DSPP: variants seen among roughly 807,000 people sequenced by gnomAD.
DSPP encodes the protein dentin sialophosphoprotein, also known as deafness, autosomal dominant 39.
A neutral mutation model predicts 29.1 loss-of-function variants in DSPP; 28 were observed. The observed-to-expected ratio is 0.96, with a 90% CI of 0.71 to 1.32. The LOEUF (loss-of-function observed/expected upper bound fraction) is 1.32. Among genes scored for constraint, DSPP ranks in the 40% most tolerant of loss-of-function variants. DSPP has a pLI of 0.00. For synonymous variants in DSPP, 481 were observed against 503.4 expected (o/e 0.96, Z 0.60); for missense variants, 1,281 against 1,629.9 (o/e 0.79, Z 3.69).
rs1388938946 is a variant in DSPP at position 87,616,780 on chromosome 4, C to A, written c.*212C>A. 4 of 705,240 alleles carry A rather than the reference C, an allele frequency of 5.7e-6. No individual in the cohort carries two copies. The highest frequency in any genetic ancestry group is 9.3e-6 in the Non-Finnish European group (4 of 430,532). 43.7% of individuals were successfully genotyped at this position (705,240 alleles called of 1,614,324 possible). A position where few individuals can be genotyped will look rare whatever the true frequency, so the allele number is the denominator to read the frequency against. ...CTGAATGCATGACCTTTGGTACATG[C>A]CTGTTAATATTCATGTTCTGAAAAT... On this transcript the variant is annotated 3_prime_UTR_variant, in exon 5 of 5. Coordinates refer to ENST00000651931, the MANE Select transcript of DSPP (RefSeq NM_014208.3).
At chr4:87,611,462 C>T (rs979414621) in intron 2 of DSPP, among the ~76,000 whole-genome samples, 6 of 151,872 alleles carry the variant, frequency 4.0e-5, no homozygotes, top group African/African-American at 1.5e-4. Context: ...TATTTATGTG[C>T]TCACTGTGGA....
At position 87,616,292 on chromosome 4, in the gene DSPP, CAGT is replaced by C. The variant is rs1727945444; in HGVS notation, c.3631_3633del (p.Ser1211del). On this transcript the variant is annotated inframe_deletion, in exon 5 of 5. Coordinates refer to ENST00000651931, the MANE Select transcript of DSPP (RefSeq NM_014208.3). ...GCGATAGTAGTGATAGCAGTGACAGCAGTGACAGCAGCGACAGCAGTGACAGCA... is the reference window on the plus strand; with the variant it reads ...GCGATAGTAGTGATAGCAGTGACAGCGACAGCAGCGACAGCAGTGACAGCA... The C allele has an allele frequency of 1.6e-5, 20 of 1,262,350 alleles. No individual in the cohort carries two copies. In the African/African-American group the frequency reaches 2.3e-4, roughly 15 times the overall value. The allele number at this position is 1,262,350 out of a possible 1,614,324, so 78.2% of individuals were successfully genotyped here. A position where few individuals can be genotyped will look rare whatever the true frequency, so the allele number is the denominator to read the frequency against.
At position 87,614,582 on chromosome 4, in the gene DSPP, A is replaced by AGACAGCAGTGACAGC; in HGVS notation, c.1921_1935dup (p.Asp641_Ser645dup). The AGACAGCAGTGACAGC allele has an allele frequency of 6.4e-7, 1 of 1,551,108 alleles. No individual in the cohort carries two copies. The highest frequency in any genetic ancestry group is 8.7e-7 in the Non-Finnish European group (1 of 1,146,806). On this transcript the variant is annotated inframe_insertion, in exon 5 of 5. Transcript: ENST00000651931. ...ACAGCAGTGATAGTGACAGTAAGTC[A>AGACAGCAGTGACAGC]GACAGCAGTGACAGCAACAGCAGTG...
Position 87,612,657 on chromosome 4 carries a change from T to C in DSPP, c.471T>C (p.Asn157=), listed in dbSNP as rs1165423659. The change falls in exon 4 of 5, where the codon AAT becomes AAC. Residue 157 remains asparagine, a synonymous_variant. Transcript: ENST00000651931. ...GATNRSNTNG[N]TDKNTQNGDV... ...CAAACAGAAGCAACACTAATGGAAA[T>C]ACTGATAAGAATACCCAAAATGGGG... 22 of 1,614,016 alleles carry C rather than the reference T, an allele frequency of 1.4e-5. No individual in the cohort carries two copies. The highest frequency in any genetic ancestry group is 1.8e-5 in the Non-Finnish European group (21 of 1,179,982).
In DSPP at chr4:87,615,932, C is replaced by CAGTGAT. The variant is rs779844801; in HGVS notation, c.3272_3273insTGATAG (p.Ser1091_Asn1092insAspSer). On this transcript the variant is annotated inframe_insertion, in exon 5 of 5. Coordinates refer to ENST00000651931, the MANE Select transcript of DSPP (RefSeq NM_014208.3). ...GTGAAAGCAGTGATAGCAGTGACAG[C>CAGTGAT]AGCAATAGCAGTGACAGCAGCGATA... 5 of 916,760 alleles carry CAGTGAT rather than the reference C, an allele frequency of 5.5e-6. No individual in the cohort carries two copies. In the African/African-American group the frequency reaches 1.0e-4, roughly 19 times the overall value. The allele number at this position is 916,760 out of a possible 1,614,324, so 56.8% of individuals were successfully genotyped here.
rs753525538 is a variant in DSPP at position 87,614,803 on chromosome 4, ATAG to A, written c.2146_2148del (p.Ser716del). The A allele has an allele frequency of 1.5e-5, 24 of 1,549,778 alleles. No homozygotes were observed. Among genetic ancestry groups the A allele is most frequent in the Non-Finnish European group, 2.0e-5 (23 of 1,146,348 alleles). On this transcript the variant is annotated inframe_deletion, in exon 5 of 5. Transcript: ENST00000651931. ...GACAGCAGTGATAGTGACAGCAGTGATAGTAGTGACAGCAGTAATAGTAACAGC... is the reference window on the plus strand; with the variant it reads ...GACAGCAGTGATAGTGACAGCAGTGATAGTGACAGCAGTAATAGTAACAGC...
Position 87,615,148 on chromosome 4 carries a change from G to A in DSPP, c.2486G>A (p.Ser829Asn), listed in dbSNP as rs375210027. The A allele has an allele frequency of 6.5e-6, 10 of 1,539,876 alleles. No individual in the cohort carries two copies. The highest frequency in any genetic ancestry group is 1.4e-5 in the African/African-American group (1 of 72,584). The change falls in exon 5 of 5, where the codon AGT (serine) becomes AAT (asparagine). Residue 829 changes from serine (S) to asparagine (N), a missense_variant. Physicochemically the swap from Ser to Asn is conservative, Grantham distance 46. This residue lies in a region of DSPP where 444 missense variants were observed against 611.4 expected (regional missense o/e 0.73). Coordinates refer to ENST00000651931, the MANE Select transcript of DSPP (RefSeq NM_014208.3). ...AGCAATAGCAGTGACAGCAGTAATA[G>A]TAGTGACAGCAGCGATAGCAGCAAC... ...DSSNSSDSSN[S>N]SDSSDSSNSS...
chr4:87,611,038 T>C (rs1727725229), intron 2 of DSPP, 79 bp downstream of exon 2: 1 of 991,150 alleles, frequency 1.0e-6, no homozygotes, highest in South Asian at 1.4e-5. Context: ...GTAGTGTGTG[T>C]GTGTGTGTGT....
chr4:87,612,906 T>A lies in DSPP; in HGVS notation c.720T>A (p.Asp240Glu). The change falls in exon 4 of 5, where the codon GAT becomes GAA. Residue 240 changes from aspartate (D) to glutamate (E), a missense_variant. Coordinates refer to ENST00000651931, the MANE Select transcript of DSPP (RefSeq NM_014208.3). ...GCACTGGAGAAGATGCTGGCCTGGA[T>A]AATTCCGATGGGAGTCCTAGTGGGA... ...TPGTGEDAGL[D>E]NSDGSPSGNG... The A allele has an allele frequency of 6.2e-7, 1 of 1,614,110 alleles. No homozygotes were observed. The highest frequency in any genetic ancestry group is 1.3e-5 in the African/African-American group (1 of 75,030).
In DSPP at chr4:87,612,559, C is replaced by T. The variant is rs1727756928; in HGVS notation, c.373C>T (p.His125Tyr). 1 of 1,613,964 alleles carries T rather than the reference C, an allele frequency of 6.2e-7. No homozygotes were observed. Among genetic ancestry groups the T allele is most frequent in the Non-Finnish European group, 8.5e-7 (1 of 1,179,902 alleles). ...AGAAACATATGGTCATGATGGAATA[C>T]ATGGGAAAGAAGAAAACATCACAGC... ...KAETYGHDGI[H>Y]GKEENITANG... is the part of the protein sequence containing the mutation. Residue 125 changes from histidine (H) to tyrosine (Y), a missense_variant, in exon 4 of 5, where the codon CAT becomes TAT. By Grantham distance (83) the His-to-Tyr change is moderately conservative. This residue lies in a region of DSPP where 631 missense variants were observed against 643.2 expected (regional missense o/e 0.98). Transcript: ENST00000651931.
In DSPP at chr4:87,616,301, C is replaced by A; in HGVS notation, c.3639C>A (p.Ser1213Arg). The change falls in exon 5 of 5, where the codon AGC (serine) becomes AGA (arginine). Residue 1213 changes from serine (S) to arginine (R), a missense_variant. Transcript: ENST00000651931. The stretch of plus-strand genomic sequence containing the variant: ...GTGATAGCAGTGACAGCAGTGACAG[C>A]AGCGACAGCAGTGACAGCAGCGACA... ...DSSDSSDSSD[S>R]SDSSDSSDSS... 3 of 1,362,188 alleles carry A rather than the reference C, an allele frequency of 2.2e-6. No individual in the cohort carries two copies. The highest frequency in any genetic ancestry group is 3.0e-6 in the Non-Finnish European group (3 of 1,013,038). 84.4% of individuals were successfully genotyped at this position (1,362,188 alleles called of 1,614,324 possible).
Position 87,613,270 on chromosome 4 carries a change from G to T in DSPP, c.1084G>T (p.Glu362Ter). The T allele has an allele frequency of 6.2e-7, 1 of 1,613,662 alleles. No homozygotes were observed. The highest frequency in any genetic ancestry group is 8.5e-7 in the Non-Finnish European group (1 of 1,180,018). Reference sequence around the variant, plus strand: ...ACGCGTAGAAAATAGAATCACCAAAGAATCAGAGACACATGCTGTTGGGAA... The same window carrying T: ...ACGCGTAGAAAATAGAATCACCAAATAATCAGAGACACATGCTGTTGGGAA... ...SKRVENRITK[E>*]SETHAVGKSQ... is the part of the protein sequence containing the mutation. Residue 362 changes from glutamate to a stop codon, truncating the protein, a stop_gained, in exon 4 of 5, where the codon GAA becomes TAA. Coordinates refer to ENST00000651931, the MANE Select transcript of DSPP (RefSeq NM_014208.3). LOFTEE classifies it low-confidence loss of function (END_TRUNC).
intron 1 of DSPP, among the ~76,000 whole-genome samples, chr4:87,610,150 G>A (rs946596571): frequency 6.6e-6 from 1 of 152,088 alleles, no homozygotes; most frequent in Non-Finnish European, 1.5e-5. Flanking sequence ...TAAGTAACTA[G>A]GCAATTTTAA....
In DSPP at chr4:87,615,389, C is replaced by G; in HGVS notation, c.2727C>G (p.Ser909Arg). Residue 909 changes from serine (S) to arginine (R), a missense_variant, in exon 5 of 5, where the codon AGC becomes AGG. Physicochemically the swap from Ser to Arg is moderately radical, Grantham distance 110. This residue lies in a region of DSPP where 444 missense variants were observed against 611.4 expected (regional missense o/e 0.73). Transcript: ENST00000651931. Reference sequence around the variant, plus strand: ...GTGATAGTGACAGCAGTGATAGCAGCAACAGCAGTGACAGCAGTGATAGCA... The same window carrying G: ...GTGATAGTGACAGCAGTGATAGCAGGAACAGCAGTGACAGCAGTGATAGCA... ...NSSDSDSSDS[S>R]NSSDSSDSSN... 1 of 1,522,210 alleles carries G rather than the reference C, an allele frequency of 6.6e-7. No individual in the cohort carries two copies. Among genetic ancestry groups the G allele is most frequent in the Non-Finnish European group, 8.8e-7 (1 of 1,134,030 alleles). The allele number at this position is 1,522,210 out of a possible 1,614,324, so 94.3% of individuals were successfully genotyped here.
chr4:87,614,348 T>C lies in DSPP; in HGVS notation c.1686T>C (p.Asp562=), dbSNP rs769091294. ...GTAGTGATAGCAGCAATAGCAGTGA[T>C]AGTAGTGACAGCAGTGACAGTGACA... ...SDSSDSSNSS[D]SSDSSDSDSS... The change falls in exon 5 of 5, where the codon GAT becomes GAC. Residue 562 remains aspartate, a synonymous_variant. Coordinates refer to ENST00000651931, the MANE Select transcript of DSPP (RefSeq NM_014208.3). The C allele has an allele frequency of 8.6e-4, 1,385 of 1,604,362 alleles. 1 individual carries two copies. Among genetic ancestry groups the C allele is most frequent in the Non-Finnish European group, 1.1e-3 (1,321 of 1,174,896 alleles).
intron 1 of DSPP, 116 bp from the exon 2 acceptor site, chr4:87,610,765 T>G: frequency 1.4e-6 from 1 of 714,348 alleles, no homozygotes; most frequent in African/African-American, 1.8e-5. Context: ...TCTTCTCGTG[T>G]TAGATACATG....
At position 87,614,676 on chromosome 4, in the gene DSPP, A is replaced by G; in HGVS notation, c.2014A>G (p.Ser672Gly). ...SSNSSDSSDSSDSSDSSSSSD... is the reference protein window; with the variant it reads ...SSNSSDSSDSGDSSDSSSSSD... Reference sequence around the variant, plus strand: ...TAACAGCAGTGATAGTAGTGACAGCAGTGATAGCAGTGACAGCAGCAGTAG... The same window carrying G: ...TAACAGCAGTGATAGTAGTGACAGCGGTGATAGCAGTGACAGCAGCAGTAG... The change falls in exon 5 of 5, where the codon AGT becomes GGT. Residue 672 changes from serine (S) to glycine (G), a missense_variant. Around this residue, in one of 4 missense-constraint regions of DSPP, gnomAD observed 444 missense variants for 611.4 expected, o/e 0.73. Coordinates refer to ENST00000651931, the MANE Select transcript of DSPP (RefSeq NM_014208.3). 2 of 1,542,542 alleles carry G rather than the reference A, an allele frequency of 1.3e-6. No homozygotes were observed. Among genetic ancestry groups the G allele is most frequent in the Non-Finnish European group, 1.8e-6 (2 of 1,140,132 alleles).
At chr4:87,610,825 A>T (rs1387873463) in intron 1 of DSPP, 56 bp from the exon 2 acceptor site, 22 of 1,145,476 alleles carry the variant, frequency 1.9e-5, no homozygotes, top group Non-Finnish European at 2.9e-5. Context: ...ATAATATAGT[A>T]CTATGATTTT....
rs1365163729 is a variant in DSPP at position 87,616,727 on chromosome 4, C to A, written c.*159C>A. ...CAAATCAAACAGTTGGATTCAGAAC[C>A]AAGACCTAACTCCTGCAGAGACAGA... On this transcript the variant is annotated 3_prime_UTR_variant, in exon 5 of 5. Coordinates refer to ENST00000651931, the MANE Select transcript of DSPP (RefSeq NM_014208.3). The A allele has an allele frequency of 1.7e-6, 2 of 1,167,602 alleles. No individual in the cohort carries two copies. Among genetic ancestry groups the A allele is most frequent in the South Asian group, 1.4e-5 (1 of 69,894 alleles). 72.3% of individuals were successfully genotyped at this position (1,167,602 alleles called of 1,614,324 possible).
Sources: allele counts gnomAD v4.1 joint callset (sites outside exome capture counted in the v4.1 genomes callset), GRCh38; gene constraint gnomAD v4.1.1; regional missense constraint gnomAD v4.1.1; transcripts MANE v1.5; gene names NCBI Gene and HGNC (gene_info 2026-07-23, HGNC 2026-07-21).